Variants in ARL10 observed in about 807,000 individuals in gnomAD.
The protein encoded by ARL10 is ADP-ribosylation factor-like protein 10.
In ARL10, 23 loss-of-function variants were observed where a neutral mutation model predicts 26.1. The observed-to-expected ratio is 0.88, with a 90% CI of 0.63 to 1.25. The LOEUF is 1.25. Ranked by LOEUF, ARL10 falls within the 50% of genes most tolerant of loss-of-function variation. ARL10 has a pLI of 0.00. For missense variants in ARL10, 300 were observed against 323.6 expected (o/e 0.93, Z 0.56); for synonymous variants, 138 against 149.1 (o/e 0.93, Z 0.54).
chr5:176,412,632 G>A, the ARL10 span, among the ~76,000 whole-genome samples: 1 of 152,170 alleles, frequency 6.6e-6, no homozygotes, highest in Non-Finnish European at 1.5e-5. Context: ...GTTTGGCCTG[G>A]GGACTCAAGG....
the ARL10 span, among the ~76,000 whole-genome samples, chr5:176,407,766 T>C: frequency 6.6e-6 from 1 of 152,226 alleles, no homozygotes; most frequent in African/African-American, 2.4e-5. Flanking sequence ...TCCTCATTCT[T>C]TGACTCCCTC....
chr5:176,366,117 C>A (rs911830764), intron 1 of ARL10, among the ~76,000 whole-genome samples: 4 of 152,188 alleles, frequency 2.6e-5, no homozygotes, highest in Non-Finnish European at 5.9e-5. Flanking sequence ...GTGGGGATGT[C>A]GGGAGAAACC....
chr5:176,411,159 T>C, the ARL10 span, among the ~76,000 whole-genome samples: 1 of 152,166 alleles, frequency 6.6e-6, no homozygotes, highest in East Asian at 1.9e-4. Flanking sequence ...CAATAATTAT[T>C]TGTTGAATAA....
chr5:176,410,397 T>C, the ARL10 span: 32 of 919,640 alleles, frequency 3.5e-5, 1 homozygote, highest in Admixed American at 2.1e-4. Context: ...AAACTCTGTG[T>C]ATACCCATGT....
chr5:176,369,061 G>A, intron 3 of ARL10, 79 bp downstream of exon 3: 1 of 1,568,330 alleles, frequency 6.4e-7, no homozygotes, highest in Non-Finnish European at 8.6e-7. Context: ...AGCGCTGCCT[G>A]GGCCCATGGC....
downstream of ARL10, among the ~76,000 whole-genome samples, chr5:176,403,757 TTGTG>T (rs1202870072): frequency 1.3e-5 from 2 of 150,494 alleles, no homozygotes; most frequent in East Asian, 3.9e-4. Context: ...CGGCCTGTTT[TTGTG>T]TGTGTGTGTT....
downstream of ARL10, among the ~76,000 whole-genome samples, chr5:176,391,641 C>T (rs1409409145): frequency 6.6e-6 from 1 of 152,118 alleles, no homozygotes; most frequent in African/African-American, 2.4e-5. Flanking sequence ...AAGATTTGGC[C>T]ACAAAGACAG....
At chr5:176,387,468 T>C (rs766584854) in intron 1 of ARL10, among the ~76,000 whole-genome samples, 9 of 152,270 alleles carry the variant, frequency 5.9e-5, no homozygotes, top group South Asian at 2.1e-4. Context: ...ATTTGTTCCA[T>C]TGCCTTAGGC....
Position 176,376,635 on chromosome 5 carries a change from G to A in ARL10, c.*4740G>A, listed in dbSNP as rs1457139050. The stretch of plus-strand genomic sequence containing the variant: ...AGAGGGAGAAAGATAAGATTTTTGC[G>A]ATTGCAGTGAAGTCTTCATCCACAT... On this transcript the variant is annotated 3_prime_UTR_variant, in exon 4 of 4. Transcript: ENST00000310389. 5 of 152,224 alleles carry A rather than the reference G, an allele frequency of 3.3e-5. No homozygotes were observed. Among genetic ancestry groups the A allele is most frequent in the Non-Finnish European group, 7.3e-5 (5 of 68,036 alleles). 9.4% of individuals were successfully genotyped at this position (152,224 alleles called of 1,614,324 possible). A position where few individuals can be genotyped will look rare whatever the true frequency, so the allele number is the denominator to read the frequency against.
chr5:176,365,804 A>T, intron 1 of ARL10, 58 bp downstream of exon 1: 1 of 1,230,398 alleles, frequency 8.1e-7, no homozygotes, highest in Non-Finnish European at 1.0e-6. Flanking sequence ...GACTCCGCGC[A>T]TGTGGCCAAG....
At position 176,376,149 on chromosome 5, in the gene ARL10, C is replaced by G. The variant is rs1768689602; in HGVS notation, c.*4254C>G. The G allele has an allele frequency of 6.6e-6, 1 of 152,170 alleles. No homozygotes were observed. Among genetic ancestry groups the G allele is most frequent in the South Asian group, 2.1e-4 (1 of 4,826 alleles). 9.4% of individuals were successfully genotyped at this position (152,170 alleles called of 1,614,324 possible). The stretch of plus-strand genomic sequence containing the variant: ...GGCTGAGGTGGACGGATCACGAGGT[C>G]AGGAGATCGAGACAATCCTGGCTAA... On this transcript the variant is annotated 3_prime_UTR_variant, in exon 4 of 4. Transcript: ENST00000310389.
At chr5:176,397,617 T>C in intron 1 of ARL10, 1 of 1,572,688 alleles carries the variant, frequency 6.4e-7, no homozygotes, top group Non-Finnish European at 8.7e-7. Context: ...CGGTTGTTGA[T>C]CTTGTTCTTC....
chr5:176,391,297 T>C (rs531887591), downstream of ARL10, among the ~76,000 whole-genome samples: 4 of 152,288 alleles, frequency 2.6e-5, no homozygotes, highest in African/African-American at 4.8e-5. Context: ...TCCAAAAATG[T>C]TGAAGTCCTT....
the ARL10 span, among the ~76,000 whole-genome samples, chr5:176,413,971 G>A: frequency 6.6e-6 from 1 of 152,296 alleles, no homozygotes; most frequent in African/African-American, 2.4e-5. Flanking sequence ...AGGCCAATTT[G>A]TGCCCCACCC....
rs1768666283 is a variant in ARL10 at position 176,375,291 on chromosome 5, T to TCCATCCATCCACCCAC, written c.*3407_*3408insCCCACCCATCCATCCA. On this transcript the variant is annotated 3_prime_UTR_variant, in exon 4 of 4. Transcript: ENST00000310389. ...ATCCACCCATCCATCCATCCACCCA[T>TCCATCCATCCACCCAC]CCATCCATCCATCCATCCATCCATC... The TCCATCCATCCACCCAC allele has an allele frequency of 7.6e-6, 1 of 132,256 alleles. No individual in the cohort carries two copies. The highest frequency in any genetic ancestry group is 1.6e-5 in the Non-Finnish European group (1 of 62,884). The allele number at this position is 132,256 out of a possible 1,614,324, so 8.2% of individuals were successfully genotyped here.
chr5:176,386,951 G>A (rs753250126), intron 1 of ARL10: 1 of 1,560,650 alleles, frequency 6.4e-7, no homozygotes, highest in Non-Finnish European at 8.8e-7. Flanking sequence ...GATCTTTGAT[G>A]AGGGAAAGTT....
the ARL10 span, among the ~76,000 whole-genome samples, chr5:176,408,985 T>C: frequency 6.6e-6 from 1 of 152,246 alleles, no homozygotes; most frequent in African/African-American, 2.4e-5. Context: ...CCTTTAGTTT[T>C]ATTTTTTTGA....
chr5:176,396,454 A>G, intron 1 of ARL10: 3 of 1,603,764 alleles, frequency 1.9e-6, no homozygotes, highest in Non-Finnish European at 2.6e-6. Context: ...AGCTCCCCCA[A>G]CAGAGAAGCA....
At chr5:176,406,003 G>A (rs190761814), downstream of ARL10, among the ~76,000 whole-genome samples, 1 of 152,200 alleles carries the variant, frequency 6.6e-6, no homozygotes, top group East Asian at 1.9e-4. Context: ...ATGACCAGGA[G>A]AGCACAGTGG....
Sources: gnomAD v4.1 joint callset for allele counts (sites outside exome capture counted in the v4.1 genomes callset) on GRCh38, gnomAD v4.1.1 for gene constraint, MANE v1.5 for transcripts, NCBI Gene and HGNC (gene_info 2026-07-23, HGNC 2026-07-21) for gene names.